CD1B: variants seen among roughly 807,000 people sequenced by gnomAD.
CD1B encodes CD1b molecule.
Under a neutral mutation model 39.8 loss-of-function variants are expected in CD1B, and 43 were observed. That is an observed-to-expected ratio of 1.08 (90% CI 0.85 to 1.39). The LOEUF (loss-of-function observed/expected upper bound fraction) is 1.39. Among genes scored for constraint, CD1B ranks in the 40% most tolerant of loss-of-function variants. The pLI, the probability that CD1B is intolerant of heterozygous loss-of-function variation, is 0.00. For synonymous variants in CD1B, 192 were observed against 152.5 expected, an observed-to-expected ratio of 1.26 and a Z score of -1.91; for missense variants, 495 against 403.8, an observed-to-expected ratio of 1.23 and a Z score of -1.94.
Position 158,330,931 on chromosome 1 carries a change from C to T in CD1B, c.193G>A (p.Ala65Thr). The change falls in exon 2 of 6, where the codon GCC becomes ACC. Residue 65 changes from alanine (A) to threonine (T), a missense_variant. Ala to Thr is a moderately conservative substitution (Grantham distance 58). Transcript: ENST00000368168. ...TTAGACCAAGGCTTCAGGAATATGG[C>T]AGTGCCTGAGTCGCTATCCCAGCCA... is the stretch of plus-strand genomic sequence containing the variant. ...IHGWDSDSGT[A>T]IFLKPWSKGN... 2 of 1,614,096 alleles carry T rather than the reference C, an allele frequency of 1.2e-6. No individual in the cohort carries two copies. Among genetic ancestry groups the T allele is most frequent in the Non-Finnish European group, 1.7e-6 (2 of 1,179,988 alleles).
the CD1B span, among the ~76,000 whole-genome samples, chr1:158,294,090 C>A: frequency 6.6e-6 from 1 of 152,176 alleles, no homozygotes; most frequent in Admixed American, 6.5e-5. Flanking sequence ...TGCCTTGATA[C>A]ACTTATTTTC....
chr1:158,301,249 G>T, the CD1B span, among the ~76,000 whole-genome samples: 1 of 151,958 alleles, frequency 6.6e-6, no homozygotes. Flanking sequence ...TATCCAATTT[G>T]TCAGTCTGTG....
chr1:158,321,048 TC>T, the CD1B span, among the ~76,000 whole-genome samples: 7 of 152,218 alleles, frequency 4.6e-5, no homozygotes, highest in Non-Finnish European at 1.0e-4. Flanking sequence ...AGTTTAACTC[TC>T]ATTTTTTGTT....
At chr1:158,326,902 T>C (rs1378549591), downstream of CD1B, among the ~76,000 whole-genome samples, 1 of 152,116 alleles carries the variant, frequency 6.6e-6, no homozygotes, top group African/African-American at 2.4e-5. Flanking sequence ...GTTCAAGTGA[T>C]TCTCCTGCCT....
the CD1B span, among the ~76,000 whole-genome samples, chr1:158,317,723 C>G: frequency 6.6e-6 from 1 of 152,086 alleles, no homozygotes; most frequent in African/African-American, 2.4e-5. Flanking sequence ...TGTGTTTGCT[C>G]TTGCTTTTCT....
the CD1B span, among the ~76,000 whole-genome samples, chr1:158,321,854 C>T: frequency 6.6e-6 from 1 of 152,230 alleles, no homozygotes; most frequent in Admixed American, 6.5e-5. Context: ...CTGCACAGAT[C>T]ATCCCATTAC....
the CD1B span, among the ~76,000 whole-genome samples, chr1:158,304,462 C>A: frequency 3.6e-4 from 55 of 152,246 alleles, no homozygotes; most frequent in African/African-American, 1.2e-3. Context: ...GGGTGTAGCC[C>A]ACCGCAGCTC....
the CD1B span, chr1:158,291,253 G>A: frequency 6.2e-7 from 1 of 1,614,094 alleles, no homozygotes; most frequent in Non-Finnish European, 8.5e-7. Context: ...CTGGGACAGT[G>A]AATCAGGCAC....
the CD1B span, among the ~76,000 whole-genome samples, chr1:158,301,886 G>C: frequency 6.6e-6 from 1 of 152,078 alleles, no homozygotes; most frequent in Non-Finnish European, 1.5e-5. Context: ...GTGTTTTCCA[G>C]CTTGGTTCCA....
At chr1:158,329,328 C>T (rs1652486823) in intron 4 of CD1B, 42 bp downstream of exon 4, 1 of 1,583,610 alleles carries the variant, frequency 6.3e-7, no homozygotes, top group Non-Finnish European at 8.6e-7. Flanking sequence ...GCCTGAAGAT[C>T]ACTTCCTGGC....
At chr1:158,324,808 A>G (rs1173466996), downstream of CD1B, among the ~76,000 whole-genome samples, 1 of 152,126 alleles carries the variant, frequency 6.6e-6, no homozygotes, top group African/African-American at 2.4e-5. Context: ...ACCTTGAGCA[A>G]CTTTGCCACA....
chr1:158,302,548 A>T, the CD1B span, among the ~76,000 whole-genome samples: 1 of 152,130 alleles, frequency 6.6e-6, no homozygotes, highest in South Asian at 2.1e-4. Context: ...TAGAATAATA[A>T]AGGAGAAAAA....
chr1:158,322,630 C>T, the CD1B span, among the ~76,000 whole-genome samples: 1 of 152,048 alleles, frequency 6.6e-6, no homozygotes, highest in Non-Finnish European at 1.5e-5. Context: ...TACACATTAG[C>T]ATTTTTTTTC....
the CD1B span, among the ~76,000 whole-genome samples, chr1:158,316,990 G>T: frequency 6.6e-6 from 1 of 151,512 alleles, no homozygotes; most frequent in Admixed American, 6.6e-5. Flanking sequence ...AACCAGCCTT[G>T]CATCCCAGGG....
chr1:158,308,055 G>A, the CD1B span, among the ~76,000 whole-genome samples: 2 of 152,164 alleles, frequency 1.3e-5, no homozygotes, highest in African/African-American at 4.8e-5. Flanking sequence ...GTCCCTGTTT[G>A]CAGATGACAT....
downstream of CD1B, among the ~76,000 whole-genome samples, chr1:158,323,290 C>T (rs561418847): frequency 3.3e-5 from 5 of 151,434 alleles, no homozygotes; most frequent in African/African-American, 1.2e-4. Flanking sequence ...GCTCGTATTG[C>T]ATTTCTTATT....
the CD1B span, chr1:158,290,165 G>C: frequency 6.3e-7 from 1 of 1,583,060 alleles, no homozygotes; most frequent in Non-Finnish European, 8.7e-7. Flanking sequence ...ACATGTATCT[G>C]GGTAGAGTGT....
At chr1:158,308,796 G>A in the CD1B span, among the ~76,000 whole-genome samples, 1 of 152,158 alleles carries the variant, frequency 6.6e-6, no homozygotes, top group African/African-American at 2.4e-5. Flanking sequence ...AGCTGAAACT[G>A]GATCCCTTCC....
chr1:158,316,892 C>G, the CD1B span, among the ~76,000 whole-genome samples: 9 of 151,970 alleles, frequency 5.9e-5, no homozygotes, highest in South Asian at 2.1e-4. Context: ...TGTCAAAGGT[C>G]TTTTCTGCAT....
Sources: allele counts gnomAD v4.1 joint callset (sites outside exome capture counted in the v4.1 genomes callset), GRCh38; gene constraint gnomAD v4.1.1; transcripts MANE v1.5; gene names NCBI Gene and HGNC (gene_info 2026-07-23, HGNC 2026-07-21).